The following WDR17 variants were observed in gnomAD, a reference collection of about 807,000 sequenced individuals.
The protein encoded by WDR17 is WD repeat domain 17.
WDR17 carries 143 observed loss-of-function variants against 161.7 expected under a neutral mutation model. The ratio of observed to expected loss-of-function variants is 0.88; its 90% CI spans 0.77 to 1.02. WDR17 has a LOEUF of 1.02. WDR17 is among the 50% of genes least tolerant of loss of function. The probability of loss-of-function intolerance (pLI) is 0.00; values close to 1 mark genes in which losing one functional copy is unlikely to be tolerated. For synonymous variants in WDR17, 517 were observed against 515.6 expected (o/e 1.00, Z -0.04); for missense variants, 1,469 against 1,520.9 (o/e 0.97, Z 0.57).
intron 1 of WDR17, among the ~76,000 whole-genome samples, chr4:176,102,616 G>A (rs913317100): frequency 6.6e-6 from 1 of 152,096 alleles, no homozygotes; most frequent in Non-Finnish European, 1.5e-5. Context: ...GTAGACTGGT[G>A]GATAAATAAA....
At chr4:176,151,716 C>T (rs1481653028) in intron 16 of WDR17, 96 bp from the exon 17 acceptor site, 3 of 1,114,428 alleles carry the variant, frequency 2.7e-6, no homozygotes, top group East Asian at 2.6e-5. Context: ...CAATTCCGCT[C>T]TATTAGTTAT....
At position 176,162,160 on chromosome 4, in the gene WDR17, A is replaced by G. The variant is rs747923415; in HGVS notation, c.2836A>G (p.Ile946Val). 12 of 1,612,464 alleles carry G rather than the reference A, an allele frequency of 7.4e-6. No homozygotes were observed. The highest frequency in any genetic ancestry group is 1.0e-5 in the Non-Finnish European group (12 of 1,179,174). ...AVLAACCHLA[I>V]DNIELAMAYL... is the part of the protein sequence containing the mutation. The stretch of plus-strand genomic sequence containing the variant: ...ACTAGCCGCATGTTGCCATCTTGCC[A>G]TAGATAATATTGAGGTACGACATTT... Residue 946 changes from isoleucine to valine, a missense_variant, in exon 21 of 29, where the codon ATA becomes GTA. By Grantham distance (29) the Ile-to-Val change is conservative. Coordinates refer to ENST00000508596, the MANE Select transcript of WDR17 (RefSeq NM_181265.4).
At chr4:176,083,938 C>G (rs947490384) in intron 1 of WDR17, among the ~76,000 whole-genome samples, 1 of 152,096 alleles carries the variant, frequency 6.6e-6, no homozygotes, top group African/African-American at 2.4e-5. Context: ...AGCAACTGTT[C>G]ATATGCTACT....
chr4:176,085,301 C>T (rs2126607457), intron 1 of WDR17, among the ~76,000 whole-genome samples: 1 of 152,082 alleles, frequency 6.6e-6, no homozygotes, highest in African/African-American at 2.4e-5. Flanking sequence ...GTGTAGTTCC[C>T]TTCTTACACG....
Position 176,120,082 on chromosome 4 carries a change from T to A in WDR17, c.523T>A (p.Ser175Thr). ...VVFGHIDGSL[S>T]IFHPGNKNQK... ...GTTTGGTCATATTGATGGAAGTCTA[T>A]CAATTTTTCATCCAGGTAAGAATTT... The change falls in exon 4 of 29, where the codon TCA becomes ACA. Residue 175 changes from serine to threonine, a missense_variant. Ser to Thr is a moderately conservative substitution (Grantham distance 58). Coordinates refer to ENST00000508596, the MANE Select transcript of WDR17 (RefSeq NM_181265.4). The A allele has an allele frequency of 4.3e-6, 7 of 1,613,192 alleles. No homozygotes were observed. Among genetic ancestry groups the A allele is most frequent in the Non-Finnish European group, 5.9e-6 (7 of 1,179,358 alleles).
chr4:176,106,751 C>T (rs922788067), intron 1 of WDR17, among the ~76,000 whole-genome samples: 3 of 152,060 alleles, frequency 2.0e-5, no homozygotes, highest in African/African-American at 7.2e-5. Context: ...GCCAGGAGTT[C>T]GAGACCAACC....
Position 176,172,424 on chromosome 4 carries a change from G to T in WDR17, c.3152G>T (p.Arg1051Leu). 6.2e-7 allele frequency: 1 copy of T among 1,611,554 alleles called. No individual in the cohort carries two copies. Among genetic ancestry groups the T allele is most frequent in the Middle Eastern group, 1.7e-4 (1 of 6,056 alleles). Residue 1051 changes from arginine (R) to leucine (L), a missense_variant, in exon 24 of 29, where the codon CGT (arginine) becomes CTT (leucine). Coordinates refer to ENST00000508596, the MANE Select transcript of WDR17 (RefSeq NM_181265.4). ...TGTATGCAGTTAGCTGAGACAGCCC[G>T]TGCAGATGACAATATATTTGAAACT... ...EECMQLAETARADDNIFETVK... is the reference protein window; with the variant it reads ...EECMQLAETALADDNIFETVK...
At position 176,148,114 on chromosome 4, in the gene WDR17, C is replaced by T. The variant is rs774389696; in HGVS notation, c.1695-19C>T. On this transcript the variant is annotated intron_variant, in intron 12 of 28. Coordinates refer to ENST00000508596, the MANE Select transcript of WDR17 (RefSeq NM_181265.4). Reference sequence around the variant, plus strand: ...ATTATAACTTGAATGTTATCACACCCATAATATTCTGTTTTCAGTACCGTT... The same window carrying T: ...ATTATAACTTGAATGTTATCACACCTATAATATTCTGTTTTCAGTACCGTT... 5.6e-6 allele frequency: 9 copies of T among 1,604,880 alleles called. No homozygotes were observed. The highest frequency in any genetic ancestry group is 7.7e-6 in the Non-Finnish European group (9 of 1,172,632).
chr4:176,170,188 T>C (rs546303667), intron 23 of WDR17, among the ~76,000 whole-genome samples: 1 of 152,136 alleles, frequency 6.6e-6, no homozygotes, highest in African/African-American at 2.4e-5. Flanking sequence ...TAATTTTATT[T>C]ATATCATTTA....
At chr4:176,081,844 C>A (rs1734782934) in intron 1 of WDR17, among the ~76,000 whole-genome samples, 1 of 152,148 alleles carries the variant, frequency 6.6e-6, no homozygotes, top group South Asian at 2.1e-4. Context: ...GATGAAATTA[C>A]TATGACTGAC....
At chr4:176,135,830 A>G (rs557629885) in intron 8 of WDR17, among the ~76,000 whole-genome samples, 7 of 151,710 alleles carry the variant, frequency 4.6e-5, no homozygotes, top group African/African-American at 1.7e-4. Flanking sequence ...TTTCCCCATA[A>G]CAAATAATTT....
chr4:176,173,269 T>C lies in WDR17; in HGVS notation c.3247T>C (p.Tyr1083His). The C allele has an allele frequency of 6.2e-7, 1 of 1,601,738 alleles. No homozygotes were observed. Among genetic ancestry groups the C allele is most frequent in the Non-Finnish European group, 8.5e-7 (1 of 1,174,258 alleles). ...TCCATCTGGTTTAATTTTTCCAGAATACATCAGTAGCTCAGACTGGACTTT... is the reference window on the plus strand; with the variant it reads ...TCCATCTGGTTTAATTTTTCCAGAACACATCAGTAGCTCAGACTGGACTTT... ...LPIGISFVKE[Y>H]ISSSDWTLDT... Residue 1083 changes from tyrosine to histidine, a missense_variant and splice_region_variant, in exon 25 of 29, where the codon TAC (tyrosine) becomes CAC (histidine). Transcript: ENST00000508596.
chr4:176,083,944 C>G (rs1008868430), intron 1 of WDR17, among the ~76,000 whole-genome samples: 2 of 152,086 alleles, frequency 1.3e-5, no homozygotes, highest in African/African-American at 4.8e-5. Flanking sequence ...TGTTCATATG[C>G]TACTTAGTTA....
rs527972885 is a variant in WDR17 at position 176,087,272 on chromosome 4, C to A, written c.-7+21193C>A. The stretch of plus-strand genomic sequence containing the variant: ...TAGGTTTTGTTTGTATGAAAACTTA[C>A]AATGAAAACGTTCATATTCTTCCAT... On this transcript the variant is annotated intron_variant, in intron 1 of 28. Transcript: ENST00000508596. Among the ~76,000 whole-genome samples the A allele has an allele frequency of 6.2e-4, 94 of 151,972 alleles. 1 individual carries two copies. Among genetic ancestry groups the A allele is most frequent in the African/African-American group, 2.2e-3 (93 of 41,506 alleles).
chr4:176,166,804 G>A lies in WDR17; in HGVS notation c.2991-1868G>A, dbSNP rs563355229. On this transcript the variant is annotated intron_variant, in intron 22 of 28. Transcript: ENST00000508596. The stretch of plus-strand genomic sequence containing the variant: ...TGAACAGCTAAACTACTCTAACTTG[G>A]AACCTGCCCAATGTAATAGAAAATG... 1.2e-4 allele frequency among the ~76,000 whole-genome samples: 18 copies of A among 152,186 alleles called. 1 individual carries two copies. The South Asian group carries it at 3.3e-3, about 28-fold the overall frequency.
At chr4:176,173,828 T>C (rs1348676343) in intron 25 of WDR17, among the ~76,000 whole-genome samples, 1 of 151,502 alleles carries the variant, frequency 6.6e-6, no homozygotes, top group African/African-American at 2.4e-5. Context: ...TGTTATGTTT[T>C]TAAGAAAAAA....
intron 1 of WDR17, among the ~76,000 whole-genome samples, chr4:176,086,842 C>T (rs543138339): frequency 2.0e-5 from 3 of 151,716 alleles, no homozygotes; most frequent in South Asian, 4.1e-4. Context: ...TTCTGATTTA[C>T]AATTTTTAAT....
Position 176,173,322 on chromosome 4 carries a change from A to G in WDR17, c.3300A>G (p.Leu1100=), listed in dbSNP as rs778480060. The G allele has an allele frequency of 6.2e-7, 1 of 1,613,370 alleles. No individual in the cohort carries two copies. The highest frequency in any genetic ancestry group is 2.2e-5 in the East Asian group (1 of 44,780). ...TLDTIYPVLD[L]LSYIRTEKLL... ...ATACCATATACCCTGTTCTTGACCT[A>G]CTGAGCTATATTCGTACTGAAAAAT... The change falls in exon 25 of 29, where the codon CTA becomes CTG. Residue 1100 remains leucine (L), a synonymous_variant. Transcript: ENST00000508596.
chr4:176,133,784 A>T (rs998200780), intron 7 of WDR17, among the ~76,000 whole-genome samples: 7 of 151,750 alleles, frequency 4.6e-5, no homozygotes, highest in Admixed American at 1.3e-4. Context: ...ACATAATTTT[A>T]AAAATCTTAT....
Sources: allele counts gnomAD v4.1 joint callset (sites outside exome capture counted in the v4.1 genomes callset), GRCh38; gene constraint gnomAD v4.1.1; transcripts MANE v1.5; gene names NCBI Gene and HGNC (gene_info 2026-07-23, HGNC 2026-07-21).